NBEA: variants seen among roughly 807,000 people sequenced by gnomAD.
The protein encoded by NBEA is neurobeachin.
Under a neutral mutation model 343.4 loss-of-function variants are expected in NBEA, and 44 were observed. That is an observed-to-expected ratio of 0.13 (90% CI 0.10 to 0.16). The LOEUF (loss-of-function observed/expected upper bound fraction) is 0.16, where lower values mean the gene tolerates loss of function less well. Among genes scored for constraint, NBEA ranks in the 10% least tolerant of loss-of-function variants. NBEA has a pLI of 1.00. For missense variants in NBEA, 2,555 were observed against 3,631.3 expected, an observed-to-expected ratio of 0.70 and a Z score of 7.62; for synonymous variants, 1,175 against 1,238.7, an observed-to-expected ratio of 0.95 and a Z score of 1.08.
intron 41 of NBEA, among the ~76,000 whole-genome samples, chr13:35,520,912 T>G (rs1379740479): frequency 6.6e-6 from 1 of 151,770 alleles, no homozygotes; most frequent in Non-Finnish European, 1.5e-5. Flanking sequence ...ATATCTTTAC[T>G]GATGAGGAAA....
chr13:35,218,886 C>A (rs1443017942), intron 33 of NBEA, among the ~76,000 whole-genome samples: 1 of 151,886 alleles, frequency 6.6e-6, no homozygotes, highest in African/African-American at 2.4e-5. Context: ...CTCTTGAAAG[C>A]TTCTATAAGA....
rs771386003 is a variant in NBEA at position 35,156,152 on chromosome 13, G to A, written c.2597G>A (p.Arg866His). The change falls in exon 20 of 59, where the codon CGT (arginine) becomes CAT (histidine). Residue 866 changes from arginine (R) to histidine (H), a missense_variant. Around this residue, in one of 21 missense-constraint regions of NBEA, gnomAD observed 360 missense variants for 519.1 expected, o/e 0.69. Transcript: ENST00000379939. Reference protein sequence around the residue: ...TPSAELMEVRRLFLSDMIKLF... With the variant: ...TPSAELMEVRHLFLSDMIKLF... Reference sequence around the variant, plus strand: ...AGTGCAGAGCTGATGGAAGTTCGTCGTTTATTTTTATCTGATATGATAAAA... The same window carrying A: ...AGTGCAGAGCTGATGGAAGTTCGTCATTTATTTTTATCTGATATGATAAAA... 1.4e-5 allele frequency: 22 copies of A among 1,590,412 alleles called. No homozygotes were observed. Among genetic ancestry groups the A allele is most frequent in the East Asian group, 4.5e-5 (2 of 44,282 alleles).
intron 13 of NBEA, among the ~76,000 whole-genome samples, chr13:35,113,586 C>CATCTATCTATCT (rs71078081): frequency 0.063 from 9,172 of 146,718 alleles, 307 homozygotes; most frequent in Admixed American, 0.078. Context: ...CTCCTCCACT[C>CATCTATCTATCT]ATCTATCTAT....
chr13:35,095,400 G>A (rs1478044116), intron 10 of NBEA, among the ~76,000 whole-genome samples: 4 of 151,088 alleles, frequency 2.6e-5, no homozygotes, highest in African/African-American at 7.3e-5. Flanking sequence ...GACTGTTGTG[G>A]TATTCTTTAT....
At chr13:35,096,806 C>T (rs986420573) in intron 10 of NBEA, among the ~76,000 whole-genome samples, 1 of 151,892 alleles carries the variant, frequency 6.6e-6, no homozygotes, top group Non-Finnish European at 1.5e-5. Context: ...CTATTCAATT[C>T]ATTTAAAATG....
chr13:35,162,857 G>A (rs1383400734), intron 23 of NBEA, among the ~76,000 whole-genome samples: 1 of 151,996 alleles, frequency 6.6e-6, no homozygotes, highest in African/African-American at 2.4e-5. Context: ...AAAAAGTTAT[G>A]ACTGTTGTGG....
At chr13:35,622,638 A>G (rs998160556) in intron 48 of NBEA, among the ~76,000 whole-genome samples, 1 of 152,204 alleles carries the variant, frequency 6.6e-6, no homozygotes, top group Admixed American at 6.5e-5. Flanking sequence ...TGAAAAGAAG[A>G]TGGCATAGAC....
intron 38 of NBEA, among the ~76,000 whole-genome samples, chr13:35,362,144 T>G (rs981182616): frequency 4.6e-5 from 7 of 152,052 alleles, no homozygotes; most frequent in African/African-American, 1.7e-4. Context: ...CAGTCTGCAT[T>G]ATATATTTAT....
At chr13:35,542,350 A>G (rs150316117) in intron 41 of NBEA, among the ~76,000 whole-genome samples, 50 of 151,888 alleles carry the variant, frequency 3.3e-4, no homozygotes, top group African/African-American at 8.7e-4. Context: ...GCCATTTCCA[A>G]TTTTTCCCGT....
At chr13:35,620,899 G>A (rs900845454) in intron 48 of NBEA, among the ~76,000 whole-genome samples, 7 of 152,248 alleles carry the variant, frequency 4.6e-5, no homozygotes, top group African/African-American at 9.6e-5. Context: ...ATGAGCATGC[G>A]GAGTAGTGAT....
chr13:35,655,264 A>C (rs138429278), intron 54 of NBEA, among the ~76,000 whole-genome samples: 161 of 152,318 alleles, frequency 1.1e-3, no homozygotes, highest in African/African-American at 3.7e-3. Context: ...ATGCAGTAAA[A>C]GATCCTAAAA....
chr13:35,434,646 G>A (rs1829007664), intron 39 of NBEA, among the ~76,000 whole-genome samples: 1 of 152,126 alleles, frequency 6.6e-6, no homozygotes, highest in Non-Finnish European at 1.5e-5. Flanking sequence ...ACAAGTCTAT[G>A]GACTTTAGGA....
chr13:35,252,253 T>C (rs2032066868), intron 34 of NBEA, among the ~76,000 whole-genome samples: 1 of 152,104 alleles, frequency 6.6e-6, no homozygotes, highest in African/African-American at 2.4e-5. Context: ...GAAGAACCCC[T>C]TATGAAACCA....
chr13:35,252,418 A>G (rs943206031), intron 34 of NBEA, among the ~76,000 whole-genome samples: 2 of 152,172 alleles, frequency 1.3e-5, no homozygotes, highest in African/African-American at 4.8e-5. Context: ...GCCTAACCAT[A>G]TCAACTCCCC....
chr13:35,445,798 A>ATATATATATATATATATATATG (rs2045988562), intron 39 of NBEA, among the ~76,000 whole-genome samples: 1 of 83,958 alleles, frequency 1.2e-5, no homozygotes, highest in African/African-American at 5.4e-5. Context: ...ATATATATAT[A>ATATATATATATATATATATATG]TATATATATA....
chr13:35,535,954 G>A (rs2078519589), intron 41 of NBEA, among the ~76,000 whole-genome samples: 1 of 152,108 alleles, frequency 6.6e-6, no homozygotes, highest in Non-Finnish European at 1.5e-5. Flanking sequence ...CAATCAAAAG[G>A]ACTTCCAAAA....
chr13:35,175,767 A>G (rs1323700374), intron 27 of NBEA, among the ~76,000 whole-genome samples: 1 of 151,918 alleles, frequency 6.6e-6, no homozygotes, highest in African/African-American at 2.4e-5. Flanking sequence ...GTGACATTTT[A>G]GGAAGTAAAT....
chr13:35,134,222 A>C (rs923332087), intron 17 of NBEA, among the ~76,000 whole-genome samples: 10 of 152,192 alleles, frequency 6.6e-5, no homozygotes, highest in Non-Finnish European at 8.8e-5. Context: ...GAGATGACAT[A>C]TCTCTCTCAG....
chr13:35,276,543 A>C (rs1335646803), intron 34 of NBEA, among the ~76,000 whole-genome samples: 2 of 152,196 alleles, frequency 1.3e-5, no homozygotes, highest in African/African-American at 4.8e-5. Context: ...ATGTCTACTC[A>C]TGATAAACTA....
Sources: allele counts gnomAD v4.1 joint callset (sites outside exome capture counted in the v4.1 genomes callset), GRCh38; gene constraint gnomAD v4.1.1; regional missense constraint gnomAD v4.1.1; transcripts MANE v1.5; gene names NCBI Gene and HGNC (gene_info 2026-07-23, HGNC 2026-07-21).